Variants in CCT4 observed in about 807,000 individuals in gnomAD.
CCT4 encodes T-complex protein 1 subunit delta.
In CCT4, 17 loss-of-function variants were observed where a neutral mutation model predicts 62.5. The ratio of observed to expected loss-of-function variants is 0.27; its 90% CI spans 0.19 to 0.41. CCT4 has a LOEUF of 0.41. Among genes scored for constraint, CCT4 ranks in the 10% least tolerant of loss-of-function variants. The pLI, the probability that CCT4 is intolerant of heterozygous loss-of-function variation, is 1.00. For synonymous variants in CCT4, 250 were observed against 229.9 expected (o/e 1.09, Z -0.79); for missense variants, 592 against 659.2 (o/e 0.90, Z 1.12).
intron 4 of CCT4, 50 bp downstream of exon 4, chr2:61,880,236 T>C (rs368978878): frequency 4.8e-6 from 4 of 830,434 alleles, no homozygotes; most frequent in Non-Finnish European, 6.8e-6. Flanking sequence ...TTTCCTAAAG[T>C]TTGTTTTTTA....
intron 5 of CCT4, 120 bp downstream of exon 5, chr2:61,878,749 G>A (rs1669050558): frequency 9.5e-6 from 6 of 630,064 alleles, no homozygotes; most frequent in Non-Finnish European, 1.6e-5. Flanking sequence ...CAATTATACA[G>A]ATTATAACAG....
chr2:61,880,515 T>A (rs1334463649), intron 3 of CCT4, 121 bp from the exon 4 acceptor site: 3 of 657,696 alleles, frequency 4.6e-6, no homozygotes, highest in Admixed American at 6.3e-5. Context: ...ATTCCTGATT[T>A]CTTCTGATTT....
At chr2:61,869,603 A>G in intron 12 of CCT4, 50 bp from the exon 13 acceptor site, 4 of 967,702 alleles carry the variant, frequency 4.1e-6, no homozygotes, top group Non-Finnish European at 6.8e-6. Flanking sequence ...GATAATACAC[A>G]TCAGCAGCCA....
rs770575018 is a variant in CCT4 at position 61,872,655 on chromosome 2, C to T, written c.1126-67G>A. Reference sequence around the variant, plus strand: ...AAAAACCCCACACCCAGGCCGGGCACGGCGGCTCACGCCTGTAAACCCAAC... The same window carrying T: ...AAAAACCCCACACCCAGGCCGGGCATGGCGGCTCACGCCTGTAAACCCAAC... On this transcript the variant is annotated intron_variant, in intron 10 of 13. Transcript: ENST00000394440. 1,075 of 1,548,918 alleles carry T rather than the reference C, an allele frequency of 6.9e-4. 2 individuals carry two copies. Among genetic ancestry groups the T allele is most frequent in the Non-Finnish European group, 8.8e-4 (990 of 1,131,296 alleles).
intron 2 of CCT4, among the ~76,000 whole-genome samples, chr2:61,884,773 C>A (rs914614360): frequency 9.3e-5 from 14 of 150,982 alleles, no homozygotes; most frequent in African/African-American, 3.4e-4. Flanking sequence ...GGATTACAGG[C>A]ATGAGCCACC....
At chr2:61,875,229 TA>T (rs200876634) in intron 8 of CCT4, among the ~76,000 whole-genome samples, 26,221 of 145,866 alleles carry the variant, frequency 0.18, 2,697 homozygotes, top group Middle Eastern at 0.3. Context: ...ATGATACTGC[TA>T]AAAAAAAAAA....
intron 4 of CCT4, 82 bp from the exon 5 acceptor site, chr2:61,879,093 G>T: frequency 3.1e-6 from 3 of 980,010 alleles, no homozygotes; most frequent in Non-Finnish European, 3.1e-6. Flanking sequence ...TCTACTCAAT[G>T]TCAAAGCAAG....
rs1669015934 is a variant in CCT4, at chr2:61,877,019, C to A, written c.678G>T (p.Gly226=). The change falls in exon 7 of 14, where the codon GGG becomes GGT. Residue 226 remains glycine (G), a synonymous_variant. Coordinates refer to ENST00000394440, the MANE Select transcript of CCT4 (RefSeq NM_006430.4). ...GTIDDCELVE[G]LVLTQKVSNS... is the part of the protein sequence containing the mutation. ...TTGACACTTTTTGGGTGAGAACCAG[C>A]CCTTCCACCAACTCACAGTCATCAA... The A allele has an allele frequency of 6.2e-7, 1 of 1,613,450 alleles. No homozygotes were observed.
Position 61,873,186 on chromosome 2 carries a change from TA to T in CCT4, c.1014+10del. 7.0e-7 allele frequency: 1 copy of T among 1,428,738 alleles called. No individual in the cohort carries two copies. The highest frequency in any genetic ancestry group is 9.9e-7 in the Non-Finnish European group (1 of 1,011,416). 88.5% of individuals were successfully genotyped at this position (1,428,738 alleles called of 1,614,324 possible). A position where few individuals can be genotyped will look rare whatever the true frequency, so the allele number is the denominator to read the frequency against. Reference sequence around the variant, plus strand: ...AGACATTTTCCACAAATACAGATGTTAATGTTTTACCTTACAAATGAATTCA... The same window carrying T: ...AGACATTTTCCACAAATACAGATGTTATGTTTTACCTTACAAATGAATTCA... On this transcript the variant is annotated intron_variant, in intron 9 of 13. Coordinates refer to ENST00000394440, the MANE Select transcript of CCT4 (RefSeq NM_006430.4).
At position 61,873,233 on chromosome 2, in the gene CCT4, C is replaced by T; in HGVS notation, c.978G>A (p.Lys326=). The T allele has an allele frequency of 6.5e-7, 1 of 1,533,830 alleles. No homozygotes were observed. Among genetic ancestry groups the T allele is most frequent in the Non-Finnish European group, 9.0e-7 (1 of 1,107,286 alleles). Residue 326 remains lysine (K), a synonymous_variant, in exon 9 of 14, where the codon AAG becomes AAA. Coordinates refer to ENST00000394440, the MANE Select transcript of CCT4 (RefSeq NM_006430.4). ...FLNKMKIMVI[K]DIEREDIEFI... The stretch of plus-strand genomic sequence containing the variant: ...ATTCAATGTCTTCTCTTTCAATATC[C>T]TTAATCACCATGATCTTCATTTTAT...
In CCT4 at chr2:61,869,559, A is replaced by G; in HGVS notation, c.1492-6T>C. ...AAAATGTTGGAAATACCACCCTGCA[A>G]ATCAAATCAGCACAAGTTGCTTTTA... On this transcript the variant is annotated splice_region_variant and splice_polypyrimidine_tract_variant and intron_variant, in intron 12 of 13. Transcript: ENST00000394440. 1 of 1,529,840 alleles carries G rather than the reference A, an allele frequency of 6.5e-7. No homozygotes were observed. Among genetic ancestry groups the G allele is most frequent in the Non-Finnish European group, 9.1e-7 (1 of 1,103,274 alleles). The allele number at this position is 1,529,840 out of a possible 1,614,324, so 94.8% of individuals were successfully genotyped here.
rs146967710 is a variant in CCT4, at chr2:61,883,501, G to A, written c.228C>T (p.Thr76=). 3.9e-5 allele frequency: 62 copies of A among 1,599,958 alleles called. No individual in the cohort carries two copies. The highest frequency in any genetic ancestry group is 4.5e-5 in the Non-Finnish European group (53 of 1,173,748). Reference sequence around the variant, plus strand: ...GTAATACTTGCATTTGTTTCAGAATGGTAGCACCATCATTTGTAATGGTTA... The same window carrying A: ...GTAATACTTGCATTTGTTTCAGAATAGTAGCACCATCATTTGTAATGGTTA... ...GDVTITNDGA[T]ILKQMQVLHP... The change falls in exon 3 of 14, where the codon ACC becomes ACT. Residue 76 remains threonine, a synonymous_variant. Coordinates refer to ENST00000394440, the MANE Select transcript of CCT4 (RefSeq NM_006430.4).
intron 8 of CCT4, among the ~76,000 whole-genome samples, chr2:61,873,979 C>A (rs1012090145): frequency 6.6e-6 from 1 of 152,176 alleles, no homozygotes; most frequent in East Asian, 1.9e-4. Context: ...GGATTACAGG[C>A]ATGAGCCACT....
At chr2:61,878,813 CAT>C (rs1669052341) in intron 5 of CCT4, 54 bp downstream of exon 5, 8 of 1,280,872 alleles carry the variant, frequency 6.2e-6, no homozygotes, top group Non-Finnish European at 7.7e-6. Flanking sequence ...CATCAAGAAT[CAT>C]AGAGTAACAC....
Position 61,876,153 on chromosome 2 carries a change from C to G in CCT4, c.859G>C (p.Val287Leu), listed in dbSNP as rs1453000457. 8.1e-6 allele frequency: 13 copies of G among 1,605,694 alleles called. No individual in the cohort carries two copies. The highest frequency in any genetic ancestry group is 1.0e-5 in the Non-Finnish European group (12 of 1,172,874). ...REERAYILNL[V>L]KQIKKTGCNV... ...CATCCTGTTTTTTTAATTTGCTTCA[C>G]TAAATTTAAAATATAGGCTCTCTCT... Residue 287 changes from valine (V) to leucine (L), a missense_variant, in exon 8 of 14, where the codon GTG (valine) becomes CTG (leucine). This residue lies in a region of CCT4 where 522 missense variants were observed against 571.2 expected (regional missense o/e 0.91). Transcript: ENST00000394440.
chr2:61,878,838 T>C lies in CCT4; in HGVS notation c.522+31A>G. 6.5e-7 allele frequency: 1 copy of C among 1,545,718 alleles called. No homozygotes were observed. The highest frequency in any genetic ancestry group is 1.2e-5 in the South Asian group (1 of 85,688). The stretch of plus-strand genomic sequence containing the variant: ...CATAGAGTAACACACTTTTAACTAA[T>C]TTGACAAGTATCCGTTAGTGTTTGT... On this transcript the variant is annotated intron_variant, in intron 5 of 13. Coordinates refer to ENST00000394440, the MANE Select transcript of CCT4 (RefSeq NM_006430.4).
At chr2:61,884,472 G>A (rs1321982094) in intron 2 of CCT4, among the ~76,000 whole-genome samples, 2 of 151,758 alleles carry the variant, frequency 1.3e-5, no homozygotes, top group African/African-American at 4.8e-5. Flanking sequence ...CACCATGCCT[G>A]GCTAATTTTT....
chr2:61,888,318 G>A, intron 1 of CCT4, 63 bp downstream of exon 1: 2 of 1,563,770 alleles, frequency 1.3e-6, no homozygotes, highest in Non-Finnish European at 1.7e-6. Flanking sequence ...ACCCGCTCAA[G>A]CCCACGATGA....
chr2:61,879,439 A>ATTTTTTTTTTT (rs35177149), intron 4 of CCT4, among the ~76,000 whole-genome samples: 1 of 103,558 alleles, frequency 9.7e-6, no homozygotes, highest in Non-Finnish European at 2.0e-5. Flanking sequence ...TTTTTTTTGT[A>ATTTTTTTTTTT]TTTTTTTTTT....
Sources: allele counts gnomAD v4.1 joint callset (sites outside exome capture counted in the v4.1 genomes callset), GRCh38; gene constraint gnomAD v4.1.1; regional missense constraint gnomAD v4.1.1; transcripts MANE v1.5; gene names NCBI Gene and HGNC (gene_info 2026-07-23, HGNC 2026-07-21).